The following VWDE variants were observed in gnomAD, a reference collection of about 807,000 sequenced individuals.
The protein encoded by VWDE is von Willebrand factor D and EGF domains.
A neutral mutation model predicts 178.4 loss-of-function variants in VWDE; 207 were observed. That is an observed-to-expected ratio of 1.16 (90% CI 1.04 to 1.30). The LOEUF (loss-of-function observed/expected upper bound fraction) is 1.30, where lower values mean the gene tolerates loss of function less well. Among genes scored for constraint, VWDE ranks in the 50% most tolerant of loss-of-function variants. The probability of loss-of-function intolerance (pLI) is 0.00; values close to 1 mark genes in which losing one functional copy is unlikely to be tolerated. For synonymous variants in VWDE, 738 were observed against 651.4 expected (o/e 1.13, Z -2.02); for missense variants, 2,287 against 1,901.3 (o/e 1.20, Z -3.77).
intron 19 of VWDE, among the ~76,000 whole-genome samples, chr7:12,350,286 T>C (rs566573458): frequency 2.6e-5 from 4 of 152,020 alleles, no homozygotes; most frequent in Non-Finnish European, 4.4e-5. Context: ...AAACACATAA[T>C]ATGGAAAATA....
intron 13 of VWDE, among the ~76,000 whole-genome samples, chr7:12,362,471 A>G (rs1782641168): frequency 6.6e-6 from 1 of 152,112 alleles, no homozygotes; most frequent in Non-Finnish European, 1.5e-5. Flanking sequence ...CTACACTTTT[A>G]GTATTGTTTT....
At chr7:12,397,034 A>G (rs961540675) in intron 1 of VWDE, among the ~76,000 whole-genome samples, 3 of 152,132 alleles carry the variant, frequency 2.0e-5, no homozygotes, top group African/African-American at 7.2e-5. Flanking sequence ...TGAAACTACC[A>G]ATGTTGTTTT....
intron 13 of VWDE, among the ~76,000 whole-genome samples, chr7:12,366,601 A>G (rs1427580314): frequency 1.3e-5 from 2 of 152,144 alleles, no homozygotes; most frequent in African/African-American, 2.4e-5. Context: ...ACTTGTGTTT[A>G]ACTACTTGAT....
chr7:12,390,519 AAGG>A, intron 2 of VWDE, among the ~76,000 whole-genome samples: 1 of 151,994 alleles, frequency 6.6e-6, no homozygotes, highest in Non-Finnish European at 1.5e-5. Context: ...GAAAAACATA[AAGG>A]AAATATTGAT....
intron 1 of VWDE, among the ~76,000 whole-genome samples, chr7:12,394,397 G>A (rs1218615645): frequency 6.6e-6 from 1 of 152,138 alleles, no homozygotes; most frequent in Non-Finnish European, 1.5e-5. Flanking sequence ...GAGGGGAGCA[G>A]GTTTGAAGGG....
rs534057485 is a variant in VWDE, at chr7:12,403,848, G to C, written c.-132C>G. On this transcript the variant is annotated 5_prime_UTR_variant, in exon 1 of 29. Coordinates refer to ENST00000275358, the MANE Select transcript of VWDE (RefSeq NM_001135924.3). ...GTCTGTTGCTGCTTGGAACAGGGAA[G>C]CTCCGCGTCCTCGTTCTGGGGTGCA... 4 of 959,254 alleles carry C rather than the reference G, an allele frequency of 4.2e-6. No individual in the cohort carries two copies. In the African/African-American group the frequency reaches 4.9e-5, roughly 12 times the overall value. 59.4% of individuals were successfully genotyped at this position (959,254 alleles called of 1,614,324 possible).
chr7:12,355,579 TGA>T (rs1782196828), intron 18 of VWDE, among the ~76,000 whole-genome samples: 1 of 152,226 alleles, frequency 6.6e-6, no homozygotes, highest in Admixed American at 6.5e-5. Flanking sequence ...AATATTCATA[TGA>T]GTTTTTAAAA....
rs1019107730 is a variant in VWDE at position 12,359,696 on chromosome 7, A to G, written c.3160-4T>C. 3 of 1,522,012 alleles carry G rather than the reference A, an allele frequency of 2.0e-6. No individual in the cohort carries two copies. Among genetic ancestry groups the G allele is most frequent in the Non-Finnish European group, 2.7e-6 (3 of 1,129,724 alleles). The allele number at this position is 1,522,012 out of a possible 1,614,324, so 94.3% of individuals were successfully genotyped here. ...CATCAATAATGCAAACATTTTCCTA[A>G]TGGAAAATTTTTAAAAAAGAAAACA... On this transcript the variant is annotated splice_polypyrimidine_tract_variant and splice_region_variant and intron_variant, in intron 15 of 28. Coordinates refer to ENST00000275358, the MANE Select transcript of VWDE (RefSeq NM_001135924.3).
intron 1 of VWDE, among the ~76,000 whole-genome samples, chr7:12,398,104 T>C (rs1320565005): frequency 2.0e-5 from 3 of 152,158 alleles, no homozygotes; most frequent in African/African-American, 7.2e-5. Flanking sequence ...AACACACATG[T>C]ACTGGTACGT....
chr7:12,344,122 T>C (rs1291268696), intron 21 of VWDE, 73 bp downstream of exon 21: 1 of 1,291,404 alleles, frequency 7.7e-7, no homozygotes, highest in South Asian at 1.3e-5. Context: ...CTGAATTGTC[T>C]TGTAAAATGG....
intron 1 of VWDE, among the ~76,000 whole-genome samples, chr7:12,399,192 C>T (rs576322238): frequency 3.7e-4 from 57 of 152,164 alleles, no homozygotes; most frequent in African/African-American, 1.3e-3. Context: ...AAACTGAGGT[C>T]CTCTTCTGCA....
At chr7:12,334,559 T>C (rs1322874110) in intron 27 of VWDE, among the ~76,000 whole-genome samples, 2 of 152,250 alleles carry the variant, frequency 1.3e-5, no homozygotes, top group Middle Eastern at 3.2e-3. Context: ...TAGATTTGAA[T>C]TTTTATTACA....
At chr7:12,358,431 C>A (rs1300211915) in intron 16 of VWDE, among the ~76,000 whole-genome samples, 2 of 151,616 alleles carry the variant, frequency 1.3e-5, no homozygotes, top group Non-Finnish European at 2.9e-5. Context: ...CCTTTACACT[C>A]ATGAAACAAC....
In VWDE at chr7:12,389,219, A is replaced by G. The variant is rs1784254157; in HGVS notation, c.383T>C (p.Leu128Pro). Residue 128 changes from leucine to proline, a missense_variant, in exon 3 of 29, where the codon CTC (leucine) becomes CCC (proline). Transcript: ENST00000275358. ...TCTTACAGACACTGGGATTTGAAAGAGACAGCAGTCTTTTGTAGTGCTGAA... is the reference window on the plus strand; with the variant it reads ...TCTTACAGACACTGGGATTTGAAAGGGACAGCAGTCTTTTGTAGTGCTGAA... ...FLFSTTKDCC[L>P]FQIPVSVRNC... 1.3e-6 allele frequency: 2 copies of G among 1,551,804 alleles called. No individual in the cohort carries two copies. The highest frequency in any genetic ancestry group is 2.4e-5 in the South Asian group (2 of 84,060).
intron 18 of VWDE, among the ~76,000 whole-genome samples, chr7:12,355,087 T>C (rs1782154821): frequency 2.0e-5 from 3 of 149,172 alleles, no homozygotes. Context: ...TACAGTGAAG[T>C]AGAAAAGAGA....
chr7:12,381,706 G>C lies in VWDE; in HGVS notation c.542-973C>G, dbSNP rs147749286. On this transcript the variant is annotated intron_variant, in intron 4 of 28. Coordinates refer to ENST00000275358, the MANE Select transcript of VWDE (RefSeq NM_001135924.3). ...AGACCAAATCAGTATATTCGAACTT[G>C]AAGGAAATAATAAACTACTTTTGAA... Among the ~76,000 whole-genome samples, 1,076 of 151,918 alleles carry C rather than the reference G, an allele frequency of 7.1e-3. 12 individuals carry two copies. Among genetic ancestry groups the C allele is most frequent in the African/African-American group, 0.024 (990 of 41,490 alleles).
At position 12,343,094 on chromosome 7, in the gene VWDE, C is replaced by T; in HGVS notation, c.4163G>A (p.Arg1388Lys). ...AGAGCTTTGCTTACTTGTTTCACAC[C>T]TTGGTCCTACAAAACCATAAGGACA... is the stretch of plus-strand genomic sequence containing the variant. The part of the protein sequence containing the change: ...CTCPYGFVGP[R>K]CETMVCNRHC... The change falls in exon 22 of 29, where the codon AGG becomes AAG. Residue 1388 changes from arginine (R) to lysine (K), a missense_variant. Coordinates refer to ENST00000275358, the MANE Select transcript of VWDE (RefSeq NM_001135924.3). 6.5e-7 allele frequency: 1 copy of T among 1,548,950 alleles called. No homozygotes were observed. Among genetic ancestry groups the T allele is most frequent in the Non-Finnish European group, 8.7e-7 (1 of 1,145,184 alleles).
chr7:12,332,198 A>AAAAT (rs10664408), intron 28 of VWDE, among the ~76,000 whole-genome samples: 83,943 of 150,982 alleles, frequency 0.56, 24,588 homozygotes, highest in African/African-American at 0.76. Context: ...AAGAAAAAAA[A>AAAAT]GACACCAGTG....
chr7:12,376,130 C>T (rs111240136), intron 7 of VWDE, among the ~76,000 whole-genome samples: 7 of 152,098 alleles, frequency 4.6e-5, no homozygotes, highest in African/African-American at 1.7e-4. Flanking sequence ...TTCCCATGCA[C>T]ATAAAAAATA....
Sources: gnomAD v4.1 joint callset for allele counts (sites outside exome capture counted in the v4.1 genomes callset) on GRCh38, gnomAD v4.1.1 for gene constraint, MANE v1.5 for transcripts, NCBI Gene and HGNC (gene_info 2026-07-23, HGNC 2026-07-21) for gene names.